The following FAP variants were observed in gnomAD, a reference collection of about 807,000 sequenced individuals.
FAP encodes the protein prolyl endopeptidase FAP.
A neutral mutation model predicts 126.5 loss-of-function variants in FAP; 110 were observed. The ratio of observed to expected loss-of-function variants is 0.87; its 90% CI spans 0.74 to 1.02. The LOEUF (loss-of-function observed/expected upper bound fraction) is 1.02, where lower values mean the gene tolerates loss of function less well. FAP is among the 50% of genes least tolerant of loss of function. The probability of loss-of-function intolerance (pLI) is 0.00; values close to 1 mark genes in which losing one functional copy is unlikely to be tolerated. For synonymous variants in FAP, 334 were observed against 297.3 expected, an observed-to-expected ratio of 1.12 and a Z score of -1.27; for missense variants, 919 against 909.2, an observed-to-expected ratio of 1.01 and a Z score of -0.14.
intron 11 of FAP, 149 bp from the exon 12 acceptor site, chr2:162,210,145 A>G: frequency 1.5e-6 from 1 of 646,428 alleles, no homozygotes; most frequent in Non-Finnish European, 2.7e-6. Context: ...AAAGGACAAT[A>G]TTAAAAATCT....
intron 7 of FAP, 86 bp downstream of exon 7, chr2:162,219,767 C>A (rs2106276838): frequency 1.1e-6 from 1 of 871,014 alleles, no homozygotes; most frequent in Non-Finnish European, 1.9e-6. Flanking sequence ...TTTTTTCTTT[C>A]AGGCAGGGAA....
chr2:162,195,836 G>T (rs1463396032), intron 16 of FAP, among the ~76,000 whole-genome samples: 1 of 152,130 alleles, frequency 6.6e-6, no homozygotes, highest in African/African-American at 2.4e-5. Flanking sequence ...GTGGAGGTTG[G>T]AGGTACATGT....
chr2:162,218,284 T>C, intron 8 of FAP, 144 bp from the exon 9 acceptor site: 1 of 528,954 alleles, frequency 1.9e-6, no homozygotes, highest in South Asian at 4.3e-5. Flanking sequence ...ATTAAAAAAT[T>C]ACATAATCTG....
At position 162,226,538 on chromosome 2, in the gene FAP, G is replaced by GA. The variant is rs1280229875; in HGVS notation, c.174dup (p.Pro59SerfsTer16). 3 of 1,566,670 alleles carry GA rather than the reference G, an allele frequency of 1.9e-6. No homozygotes were observed. Among genetic ancestry groups the GA allele is most frequent in the South Asian group, 1.2e-5 (1 of 84,692 alleles). On this transcript the variant is annotated frameshift_variant, in exon 3 of 26. Coordinates refer to ENST00000188790, the MANE Select transcript of FAP (RefSeq NM_004460.5). LOFTEE classifies it high-confidence loss of function. ...ATGCACTTACCTGAAATCCAGTTTGGAAAAAATGTTTTATAAGAAAATGTT... is the reference window on the plus strand; with the variant it reads ...ATGCACTTACCTGAAATCCAGTTTGGAAAAAAATGTTTTATAAGAAAATGTT...
chr2:162,192,868 T>A (rs113869661), intron 17 of FAP, among the ~76,000 whole-genome samples: 4 of 152,292 alleles, frequency 2.6e-5, no homozygotes, highest in African/African-American at 7.2e-5. Flanking sequence ...GTGGTAGTTA[T>A]CATTAGTAAA....
chr2:162,226,448 G>A (rs1689650760), intron 3 of FAP, 75 bp downstream of exon 3: 1 of 670,750 alleles, frequency 1.5e-6, no homozygotes, highest in East Asian at 2.7e-5. Context: ...AGTTACTATA[G>A]AGATGTATTG....
At position 162,214,368 on chromosome 2, in the gene FAP, TG is replaced by T. The variant is rs1316712420; in HGVS notation, c.867-296del. Among the ~76,000 whole-genome samples the T allele has an allele frequency of 2.0e-5, 3 of 152,216 alleles. No individual in the cohort carries two copies. In the East Asian group the frequency reaches 5.8e-4, roughly 29 times the overall value. On this transcript the variant is annotated intron_variant, in intron 10 of 25. Transcript: ENST00000188790. The stretch of plus-strand genomic sequence containing the variant: ...ATTTAAAACATAATGTCAAAGCTAC[TG>T]ATCAATCTAGAGGGGAAAAAAAGCA...
At chr2:162,180,873 G>C (rs549642399) in intron 21 of FAP, among the ~76,000 whole-genome samples, 140 of 152,220 alleles carry the variant, frequency 9.2e-4, no homozygotes, top group African/African-American at 3.2e-3. Flanking sequence ...CTGGTGCCAG[G>C]GATCTGGAAG....
At chr2:162,176,091 C>G (rs138606317) in intron 21 of FAP, 1 of 152,144 alleles carries the variant, frequency 6.6e-6, no homozygotes, top group African/African-American at 2.4e-5. Context: ...TCCCTCAGAT[C>G]AGGATAGATC....
intron 2 of FAP, among the ~76,000 whole-genome samples, chr2:162,237,037 G>T (rs1020685908): frequency 1.3e-5 from 2 of 151,870 alleles, no homozygotes. Context: ...TATTATTAAT[G>T]GGAATAAATA....
intron 17 of FAP, among the ~76,000 whole-genome samples, chr2:162,194,397 T>C (rs1427514856): frequency 1.3e-5 from 2 of 151,846 alleles, no homozygotes; most frequent in African/African-American, 4.8e-5. Flanking sequence ...ATGTGCTAAG[T>C]TTTTTCCCAA....
In FAP at chr2:162,173,060, G is replaced by A. The variant is rs1423520165; in HGVS notation, c.2107+89C>T. 4 of 1,266,578 alleles carry A rather than the reference G, an allele frequency of 3.2e-6. No homozygotes were observed. The African/African-American group carries it at 4.4e-5, about 14-fold the overall frequency. The allele number at this position is 1,266,578 out of a possible 1,614,324, so 78.5% of individuals were successfully genotyped here. On this transcript the variant is annotated intron_variant, in intron 24 of 25. Coordinates refer to ENST00000188790, the MANE Select transcript of FAP (RefSeq NM_004460.5). ...CCTGACTCTTAGGTACTGACCCTGAGCATAGGCATAGGAGGATGCTTAATG... is the reference window on the plus strand; with the variant it reads ...CCTGACTCTTAGGTACTGACCCTGAACATAGGCATAGGAGGATGCTTAATG...
In FAP at chr2:162,200,579, T is replaced by C. The variant is rs1422176735; in HGVS notation, c.1264A>G (p.Arg422Gly). ...SNEFEEYPGR[R>G]NIYRISIGSY... ...GACATAAATTACCTGTAGATGTTTC[T>C]TCTTCCAGGGTATTCTTCAAATTCA... The change falls in exon 15 of 26, where the codon AGA (arginine) becomes GGA (glycine). Residue 422 changes from arginine to glycine, a missense_variant. Coordinates refer to ENST00000188790, the MANE Select transcript of FAP (RefSeq NM_004460.5). 3 of 1,480,558 alleles carry C rather than the reference T, an allele frequency of 2.0e-6. No homozygotes were observed. The highest frequency in any genetic ancestry group is 2.8e-6 in the Non-Finnish European group (3 of 1,079,870). The allele number at this position is 1,480,558 out of a possible 1,614,324, so 91.7% of individuals were successfully genotyped here. A position where few individuals can be genotyped will look rare whatever the true frequency, so the allele number is the denominator to read the frequency against.
chr2:162,210,030 TAGG>T, intron 11 of FAP, 34 bp from the exon 12 acceptor site: 2 of 1,593,354 alleles, frequency 1.3e-6, no homozygotes. Context: ...AACATAGTAT[TAGG>T]AGAACATTTT....
Position 162,214,063 on chromosome 2 carries a change from A to G in FAP, c.877T>C (p.Phe293Leu). The G allele has an allele frequency of 1.2e-6, 2 of 1,613,974 alleles. No homozygotes were observed. Among genetic ancestry groups the G allele is most frequent in the East Asian group, 2.2e-5 (1 of 44,874 alleles). Residue 293 changes from phenylalanine (F) to leucine (L), a missense_variant, in exon 11 of 26, where the codon TTC (phenylalanine) becomes CTC (leucine). Phe to Leu is a conservative substitution (Grantham distance 22). Coordinates refer to ENST00000188790, the MANE Select transcript of FAP (RefSeq NM_004460.5). ...PAMIASSDYYFSWLTWVTDER... is the reference protein window; with the variant it reads ...PAMIASSDYYLSWLTWVTDER... ...TCAGTAACCCACGTGAGCCAACTGA[A>G]ATAATAATCACTGCAAATAAAATAG... is the stretch of plus-strand genomic sequence containing the variant.
intron 21 of FAP, among the ~76,000 whole-genome samples, chr2:162,179,316 C>T (rs549630798): frequency 1.4e-5 from 2 of 148,014 alleles, no homozygotes; most frequent in African/African-American, 5.0e-5. Context: ...TGTGATTTGC[C>T]AAATTATTAG....
At chr2:162,197,673 G>T (rs1429522043) in intron 16 of FAP, 1 of 456,342 alleles carries the variant, frequency 2.2e-6, no homozygotes. Context: ...TGGCTGGACT[G>T]AGGGAAGTGG....
intron 21 of FAP, among the ~76,000 whole-genome samples, chr2:162,177,834 A>G (rs1034338348): frequency 6.6e-6 from 1 of 152,216 alleles, no homozygotes; most frequent in African/African-American, 2.4e-5. Flanking sequence ...TAGGAATAGA[A>G]TAAATATTTG....
At chr2:162,218,306 A>C (rs1296678591) in intron 8 of FAP, among the ~76,000 whole-genome samples, 166 bp from the exon 9 acceptor site, 1 of 152,178 alleles carries the variant, frequency 6.6e-6, no homozygotes, top group Non-Finnish European at 1.5e-5. Flanking sequence ...GTTAAGAGGA[A>C]TAGTTTACCC....
Sources: gnomAD v4.1 joint callset for allele counts (sites outside exome capture counted in the v4.1 genomes callset) on GRCh38, gnomAD v4.1.1 for gene constraint, MANE v1.5 for transcripts, NCBI Gene and HGNC (gene_info 2026-07-23, HGNC 2026-07-21) for gene names.